ORC1: variants seen among roughly 807,000 people sequenced by gnomAD.
The protein encoded by ORC1 is origin recognition complex, subunit 1 homolog.
A neutral mutation model predicts 98.9 loss-of-function variants in ORC1; 61 were observed. The observed-to-expected ratio is 0.62, with a 90% CI of 0.50 to 0.76. The LOEUF is 0.76. Among genes scored for constraint, ORC1 ranks in the 30% least tolerant of loss-of-function variants. The pLI is 0.00. For synonymous variants in ORC1, 385 were observed against 406.9 expected (o/e 0.95, Z 0.65); for missense variants, 979 against 1,072.2 (o/e 0.91, Z 1.21).
chr1:52,390,020 T>C (rs909535152), intron 6 of ORC1, among the ~76,000 whole-genome samples: 2 of 152,220 alleles, frequency 1.3e-5, no homozygotes, highest in African/African-American at 4.8e-5. Context: ...TCTGATACAT[T>C]GCTGATAGAA....
chr1:52,386,664 G>A (rs973158173), intron 8 of ORC1, among the ~76,000 whole-genome samples: 1 of 152,182 alleles, frequency 6.6e-6, no homozygotes, highest in African/African-American at 2.4e-5. Flanking sequence ...CACTTAAACT[G>A]TTTAAAAGGC....
chr1:52,393,555 C>G lies in ORC1; in HGVS notation c.970G>C (p.Ala324Pro). 1.2e-6 allele frequency: 2 copies of G among 1,614,160 alleles called. No homozygotes were observed. Among genetic ancestry groups the G allele is most frequent in the African/African-American group, 1.3e-5 (1 of 75,032 alleles). The stretch of plus-strand genomic sequence containing the variant: ...TCTCTAATGTCTATGGTTTTCGAAG[C>G]TGCAATTCGGGTTCTCAGGATTATG... ...HRIILRTRIA[A>P]SKTIDIREER... Residue 324 changes from alanine (A) to proline (P), a missense_variant, in exon 6 of 17, where the codon GCT becomes CCT. Transcript: ENST00000371568.
chr1:52,383,555 C>G lies in ORC1; in HGVS notation c.1878G>C (p.Trp626Cys), dbSNP rs199799847. 1 of 1,614,008 alleles carries G rather than the reference C, an allele frequency of 6.2e-7. No individual in the cohort carries two copies. The highest frequency in any genetic ancestry group is 2.2e-5 in the East Asian group (1 of 44,882). Residue 626 changes from tryptophan to cysteine, a missense_variant, in exon 13 of 17, where the codon TGG (tryptophan) becomes TGC (cysteine). Coordinates refer to ENST00000371568, the MANE Select transcript of ORC1 (RefSeq NM_004153.4). ...TGTACATTATGTCTTGTTTGTGAGT[C>G]CACAGAAGGTCGAGCTGCCAGGGCA... is the stretch of plus-strand genomic sequence containing the variant. ...VLLVDELDLL[W>C]THKQDIMYNL...
At chr1:52,408,597 A>G (rs1245668008), upstream of ORC1, 7 of 1,614,090 alleles carry the variant, frequency 4.3e-6, no homozygotes, top group Non-Finnish European at 4.2e-6. Context: ...GGCACTTTAC[A>G]TGAGGCTGAC....
At chr1:52,375,138 C>G (rs1646978111) in intron 15 of ORC1, among the ~76,000 whole-genome samples, 1 of 152,148 alleles carries the variant, frequency 6.6e-6, no homozygotes, top group Non-Finnish European at 1.5e-5. Flanking sequence ...TCATAAATAC[C>G]TGTGCCCTCA....
intron 3 of ORC1, 72 bp downstream of exon 3, chr1:52,401,290 A>G (rs1647692514): frequency 6.3e-7 from 1 of 1,588,048 alleles, no homozygotes; most frequent in Non-Finnish European, 8.6e-7. Context: ...TGTGAACAAA[A>G]GAATCCACAA....
intron 14 of ORC1, among the ~76,000 whole-genome samples, chr1:52,378,212 G>A (rs1647019012): frequency 6.6e-6 from 1 of 152,122 alleles, no homozygotes; most frequent in Admixed American, 6.5e-5. Flanking sequence ...TGGGCGTGGT[G>A]GCACATGCCT....
Position 52,394,732 on chromosome 1 carries a change from T to A in ORC1, c.722-929A>T, listed in dbSNP as rs953857071. ...AGCGTGATCTCAGCTCACTGCCACC[T>A]GTGCCTCCCAGGTTCAAGAGATTCT... On this transcript the variant is annotated intron_variant, in intron 5 of 16. Transcript: ENST00000371568. Among the ~76,000 whole-genome samples, 5 of 152,216 alleles carry A rather than the reference T, an allele frequency of 3.3e-5. No homozygotes were observed. In the East Asian group the frequency reaches 9.6e-4, roughly 29 times the overall value.
chr1:52,394,480 CTAT>C (rs1171528548), intron 5 of ORC1, among the ~76,000 whole-genome samples: 5 of 152,134 alleles, frequency 3.3e-5, no homozygotes, highest in African/African-American at 1.2e-4. Flanking sequence ...ACATGACTGC[CTAT>C]TATATTACAT....
intron 7 of ORC1, 136 bp downstream of exon 7, chr1:52,389,081 A>G (rs538296140): frequency 1.7e-5 from 13 of 747,092 alleles, no homozygotes; most frequent in Non-Finnish European, 2.1e-5. Flanking sequence ...GAAACTTAAC[A>G]TAATTCCAGA....
chr1:52,385,914 C>G lies in ORC1; in HGVS notation c.1419G>C (p.Gln473His). ...GGGCAGCCAGGCTTCGACTACGGATCTGAGGAGCGGCACAACGTGGCGTTC... is the reference window on the plus strand; with the variant it reads ...GGGCAGCCAGGCTTCGACTACGGATGTGAGGAGCGGCACAACGTGGCGTTC... ...KPRTPRCAAP[Q>H]IRSRSLAAQE... Residue 473 changes from glutamine to histidine, a missense_variant, in exon 9 of 17, where the codon CAG becomes CAC. Gln to His is a conservative substitution (Grantham distance 24, BLOSUM62 0). Coordinates refer to ENST00000371568, the MANE Select transcript of ORC1 (RefSeq NM_004153.4). 6.2e-7 allele frequency: 1 copy of G among 1,613,814 alleles called. No individual in the cohort carries two copies. The highest frequency in any genetic ancestry group is 8.5e-7 in the Non-Finnish European group (1 of 1,180,006).
At chr1:52,404,972 T>C (rs1208681698), upstream of ORC1, 4 of 1,472,454 alleles carry the variant, frequency 2.7e-6, no homozygotes, top group African/African-American at 1.4e-5. Context: ...CCTCTGGGGG[T>C]GGTACTGGAA....
At chr1:52,402,739 G>C (rs1246689642) in intron 1 of ORC1, among the ~76,000 whole-genome samples, 1 of 152,150 alleles carries the variant, frequency 6.6e-6, no homozygotes, top group South Asian at 2.1e-4. Flanking sequence ...TTCGGGACCA[G>C]CCTGGCCAAC....
chr1:52,385,667 C>T (rs1476014944), intron 9 of ORC1, among the ~76,000 whole-genome samples, 185 bp downstream of exon 9: 1 of 152,210 alleles, frequency 6.6e-6, no homozygotes, highest in Non-Finnish European at 1.5e-5. Context: ...CACTGGCTAA[C>T]CCAGATGCTG....
Position 52,385,205 on chromosome 1 carries a change from G to T in ORC1, c.1539C>A (p.Asp513Glu), listed in dbSNP as rs1647126920. The T allele has an allele frequency of 1.2e-6, 2 of 1,613,798 alleles. No individual in the cohort carries two copies. The highest frequency in any genetic ancestry group is 8.5e-7 in the Non-Finnish European group (1 of 1,179,810). Residue 513 changes from aspartate to glutamate, a missense_variant, in exon 10 of 17, where the codon GAC (aspartate) becomes GAA (glutamate). Physicochemically the swap from Asp to Glu is conservative, Grantham distance 45. Transcript: ENST00000371568. ...SLPCREQEFQ[D>E]IYNFVESKLL... ...GTTTGCTTTCCACAAAATTGTAGAT[G>T]TCTTGGAATTCCTGTTCCCGACAGG...
intron 13 of ORC1, 89 bp from the exon 14 acceptor site, chr1:52,381,850 T>C (rs965279082): frequency 2.3e-4 from 313 of 1,338,148 alleles, no homozygotes; most frequent in Middle Eastern, 6.5e-4. Flanking sequence ...CCAAACCCAA[T>C]TCCCAGGTCC....
chr1:52,405,241 A>G (rs1647944907), upstream of ORC1, among the ~76,000 whole-genome samples: 1 of 152,232 alleles, frequency 6.6e-6, no homozygotes, highest in African/African-American at 2.4e-5. Flanking sequence ...AACCAAATTC[A>G]TGATCTTACT....
Position 52,385,934 on chromosome 1 carries a change from G to A in ORC1, c.1399C>T (p.Pro467Ser). Residue 467 changes from proline to serine, a missense_variant, in exon 9 of 17, where the codon CCA becomes TCA. Pro to Ser is a moderately conservative substitution (Grantham distance 74). Transcript: ENST00000371568. ...CGGATCTGAGGAGCGGCACAACGTG[G>A]CGTTCTAGGCTTGAGCTGTATTGAA... ...VPKKSLKPRTPRCAAPQIRSR... is the reference protein window; with the variant it reads ...VPKKSLKPRTSRCAAPQIRSR... 1 of 1,613,390 alleles carries A rather than the reference G, an allele frequency of 6.2e-7. No individual in the cohort carries two copies. Among genetic ancestry groups the A allele is most frequent in the Non-Finnish European group, 8.5e-7 (1 of 1,179,834 alleles).
upstream of ORC1, among the ~76,000 whole-genome samples, chr1:52,408,074 TAAATAA>T (rs957439561): frequency 1.3e-5 from 2 of 148,524 alleles, no homozygotes; most frequent in Non-Finnish European, 3.0e-5. Context: ...AATAAATACA[TAAATAA>T]AAATACAAAA....
Sources: allele counts gnomAD v4.1 joint callset (sites outside exome capture counted in the v4.1 genomes callset), GRCh38; gene constraint gnomAD v4.1.1; transcripts MANE v1.5; gene names NCBI Gene and HGNC (gene_info 2026-07-23, HGNC 2026-07-21).